Variants in FLOT1 observed in about 807,000 individuals in gnomAD.
The protein encoded by FLOT1 is flotillin 1.
In FLOT1, 40 loss-of-function variants were observed where a neutral mutation model predicts 58.4. The ratio of observed to expected loss-of-function variants is 0.69; its 90% CI spans 0.53 to 0.89. The LOEUF is 0.89. Ranked by LOEUF, FLOT1 falls within the 40% of genes least tolerant of loss-of-function variation. The probability of loss-of-function intolerance (pLI) is 0.00; values close to 1 mark genes in which losing one functional copy is unlikely to be tolerated. For synonymous variants in FLOT1, 178 were observed against 204.2 expected (o/e 0.87, Z 1.09); for missense variants, 423 against 540.8 (o/e 0.78, Z 2.16).
chr6:30,735,170 G>A (rs767371110), intron 8 of FLOT1, among the ~76,000 whole-genome samples: 5 of 152,076 alleles, frequency 3.3e-5, no homozygotes, highest in South Asian at 2.1e-4. Context: ...GAGTGGGGTT[G>A]AGGGGGTTGG....
chr6:30,731,947 T>C (rs1195089717), intron 8 of FLOT1, among the ~76,000 whole-genome samples: 1 of 152,172 alleles, frequency 6.6e-6, no homozygotes, highest in Admixed American at 6.5e-5. Flanking sequence ...TGTGTATTCA[T>C]AGAATTCCTC....
intron 11 of FLOT1, 43 bp downstream of exon 11, chr6:30,730,385 G>A: frequency 6.5e-7 from 1 of 1,537,698 alleles, no homozygotes; most frequent in Non-Finnish European, 8.8e-7. Context: ...CTTAGTCCCT[G>A]GTTCTATTTC....
chr6:30,737,246 G>GTCCGTCCATCCA lies in FLOT1; in HGVS notation c.723+2911_723+2912insTGGATGGACGGA, dbSNP rs1554208614. ...CGTCCGTCCGTCCGTCCGTCCGTCC[G>GTCCGTCCATCCA]TCCATCCGTCCATCCATCCATCCAT... On this transcript the variant is annotated intron_variant, in intron 8 of 12. Transcript: ENST00000376389. This position sits in a 1 kb window ranked among gnomAD's most constrained non-coding sequence, Gnocchi z 4.4. 2.4e-3 allele frequency among the ~76,000 whole-genome samples: 352 copies of GTCCGTCCATCCA among 145,364 alleles called. No homozygotes were observed. Among genetic ancestry groups the GTCCGTCCATCCA allele is most frequent in the Admixed American group, 2.9e-3 (42 of 14,586 alleles).
intron 12 of FLOT1, among the ~76,000 whole-genome samples, chr6:30,729,038 A>G (rs1368897489): frequency 6.6e-6 from 1 of 150,948 alleles, no homozygotes. Flanking sequence ...TCAGCCTCCC[A>G]AAGTGCTGGG....
chr6:30,740,874 C>T (rs917934075), intron 5 of FLOT1, 76 bp from the exon 6 acceptor site: 1 of 1,516,918 alleles, frequency 6.6e-7, no homozygotes, highest in Non-Finnish European at 8.8e-7. Context: ...GCAACCTCTG[C>T]CTCCTGGGTT....
chr6:30,730,498 T>C lies in FLOT1; in HGVS notation c.1019A>G (p.Lys340Arg). Residue 340 changes from lysine (K) to arginine (R), a missense_variant, in exon 11 of 13, where the codon AAG becomes AGG. Coordinates refer to ENST00000376389, the MANE Select transcript of FLOT1 (RefSeq NM_005803.4). The part of the protein sequence containing the change: ...RARAEAEQMA[K>R]KAEAFQLYQE... ...GTACAGCTGGAAGGCTTCTGCCTTC[T>C]TGGCCATCTGCTCAGCCTCGGCTCG... 6.2e-7 allele frequency: 1 copy of C among 1,610,584 alleles called. No individual in the cohort carries two copies. Among genetic ancestry groups the C allele is most frequent in the Non-Finnish European group, 8.5e-7 (1 of 1,177,314 alleles).
chr6:30,733,540 T>G (rs918010087), intron 8 of FLOT1, among the ~76,000 whole-genome samples: 2 of 145,692 alleles, frequency 1.4e-5, no homozygotes, highest in African/African-American at 5.1e-5. Flanking sequence ...CAGGAGTTCA[T>G]GACCAGCCTG....
chr6:30,736,942 A>G (rs1459556337), intron 8 of FLOT1, among the ~76,000 whole-genome samples: 1 of 151,754 alleles, frequency 6.6e-6, no homozygotes, highest in East Asian at 2.0e-4. Flanking sequence ...ACTGATCCCT[A>G]TACAAATATA....
intron 8 of FLOT1, among the ~76,000 whole-genome samples, chr6:30,733,760 A>AAAT (rs9281023): frequency 6.9e-6 from 1 of 144,960 alleles, no homozygotes; most frequent in African/African-American, 2.6e-5. Flanking sequence ...AAAAAAGAAA[A>AAAT]GAAAGCTGGG....
chr6:30,742,018 G>A lies in FLOT1; in HGVS notation c.43+129C>T, dbSNP rs1778027990. On this transcript the variant is annotated intron_variant, in intron 2 of 12. Transcript: ENST00000376389. The surrounding 1 kb of genome is among the most constrained non-coding windows in gnomAD (Gnocchi z 5.2). ...GCCTTGGAATGGTGGGAATCAAACT[G>A]GGCAGTTCGTGGCCATCAAGGGGCA... The A allele has an allele frequency of 1.7e-6, 2 of 1,191,558 alleles. No homozygotes were observed. Among genetic ancestry groups the A allele is most frequent in the Admixed American group, 1.8e-5 (1 of 57,018 alleles). 73.8% of individuals were successfully genotyped at this position (1,191,558 alleles called of 1,614,324 possible).
intron 8 of FLOT1, among the ~76,000 whole-genome samples, chr6:30,738,878 G>A (rs754239629): frequency 1.3e-5 from 2 of 152,080 alleles, no homozygotes; most frequent in African/African-American, 4.8e-5. Context: ...CACGGCTTAC[G>A]GTATGAGAGC....
At chr6:30,728,254 G>A (rs777744899) in intron 12 of FLOT1, 109 bp from the exon 13 acceptor site, 2 of 901,642 alleles carry the variant, frequency 2.2e-6, no homozygotes, top group Non-Finnish European at 3.7e-6. Context: ...AACACACACG[G>A]CCAGGGTTCT....
At chr6:30,734,170 TTA>T (rs2127769511) in intron 8 of FLOT1, among the ~76,000 whole-genome samples, 1 of 152,116 alleles carries the variant, frequency 6.6e-6, no homozygotes, top group Non-Finnish European at 1.5e-5. Context: ...TTTCACAGTG[TTA>T]TGTTTCAATG....
rs1777648398 is a variant in FLOT1, at chr6:30,737,234, GT to G, written c.723+2923del. On this transcript the variant is annotated intron_variant, in intron 8 of 12. Transcript: ENST00000376389. The surrounding 1 kb of genome is among the most constrained non-coding windows in gnomAD (Gnocchi z 4.4). ...CGTCCGTCCGTCCGTCCGTCCGTCC[GT>G]CCGTCCGTCCGTCCATCCGTCCATC... 1.9e-5 allele frequency among the ~76,000 whole-genome samples: 2 copies of G among 105,968 alleles called. No individual in the cohort carries two copies. Among genetic ancestry groups the G allele is most frequent in the Non-Finnish European group, 4.1e-5 (2 of 49,234 alleles). 69.5% of individuals were successfully genotyped at this position (105,968 alleles called of 152,430 possible). A position where few individuals can be genotyped will look rare whatever the true frequency, so the allele number is the denominator to read the frequency against.
intron 10 of FLOT1, 22 bp downstream of exon 10, chr6:30,730,660 A>T (rs762699731): frequency 2.6e-5 from 42 of 1,613,816 alleles, no homozygotes; most frequent in Non-Finnish European, 3.6e-5. Context: ...ACAAGCCAGC[A>T]TGGAACTGCC....
chr6:30,740,557 G>A lies in FLOT1; in HGVS notation c.509C>T (p.Ala170Val). 1 of 1,613,050 alleles carries A rather than the reference G, an allele frequency of 6.2e-7. No homozygotes were observed. The highest frequency in any genetic ancestry group is 8.5e-7 in the Non-Finnish European group (1 of 1,180,030). The change falls in exon 7 of 13, where the codon GCT becomes GTT. Residue 170 changes from alanine (A) to valine (V), a missense_variant. Ala to Val is a moderately conservative substitution (Grantham distance 64). This residue lies in a region of FLOT1 where 137 missense variants were observed against 194.6 expected (regional missense o/e 0.70). Transcript: ENST00000376389. ...YLHSLGKART[A>V]QVQKDARIGE... is the part of the protein sequence containing the mutation. ...AATCCGTGCATCTTTTTGGACTTGA[G>A]CTGTTCGAGCCTTCCCCAAAGAGTG...
At chr6:30,735,371 T>A (rs1388405761) in intron 8 of FLOT1, among the ~76,000 whole-genome samples, 1 of 150,828 alleles carries the variant, frequency 6.6e-6, no homozygotes, top group Non-Finnish European at 1.5e-5. Context: ...CAGCACATTG[T>A]GAGGCTGAGG....
At chr6:30,738,927 C>A (rs1777767460) in intron 8 of FLOT1, among the ~76,000 whole-genome samples, 1 of 152,192 alleles carries the variant, frequency 6.6e-6, no homozygotes, top group Non-Finnish European at 1.5e-5. Flanking sequence ...ATCAACCTCA[C>A]CTGGGTACTG....
At position 30,740,511 on chromosome 6, in the gene FLOT1, T is replaced by C. The variant is rs2127780769; in HGVS notation, c.555A>G (p.Arg185=). ...DARIGEAEAK[R]DAGIREAKAK... ...TCTCTCTCACCCGGATCCCAGCATCTCTCTTGGCCTCTGCTTCTCCAATCC... is the reference window on the plus strand; with the variant it reads ...TCTCTCTCACCCGGATCCCAGCATCCCTCTTGGCCTCTGCTTCTCCAATCC... Residue 185 remains arginine (R), a synonymous_variant, in exon 7 of 13, where the codon AGA becomes AGG. Coordinates refer to ENST00000376389, the MANE Select transcript of FLOT1 (RefSeq NM_005803.4). 3 of 1,612,802 alleles carry C rather than the reference T, an allele frequency of 1.9e-6. No individual in the cohort carries two copies. In the Middle Eastern group the frequency reaches 5.1e-4, roughly 274 times the overall value.
Sources: allele counts gnomAD v4.1 joint callset (sites outside exome capture counted in the v4.1 genomes callset), GRCh38; gene constraint gnomAD v4.1.1; regional missense constraint gnomAD v4.1.1; non-coding constraint Gnocchi (gnomAD v3.1); transcripts MANE v1.5; gene names NCBI Gene and HGNC (gene_info 2026-07-23, HGNC 2026-07-21).